RIBC1: variants seen among roughly 807,000 people sequenced by gnomAD.
RIBC1 encodes RIB43A-like with coiled-coils protein 1.
RIBC1 carries 12 observed loss-of-function variants against 33.7 expected under a neutral mutation model. The observed-to-expected ratio is 0.36, with a 90% confidence interval of 0.23 to 0.58. The LOEUF is 0.58. Ranked by LOEUF, RIBC1 falls within the 20% of genes least tolerant of loss-of-function variation. The pLI is 0.81. For synonymous variants in RIBC1, 89 were observed against 109.0 expected (o/e 0.82, Z 1.14); for missense variants, 242 against 311.6 (o/e 0.78, Z 1.68).
chrX:53,423,266 C>A lies in RIBC1; in HGVS notation c.-89-48C>A, dbSNP rs782451005. 347 of 117,890 alleles carry A rather than the reference C, an allele frequency of 2.9e-3. 3 individuals carry two copies. Among genetic ancestry groups the A allele is most frequent in the Non-Finnish European group, 2.8e-3 (162 of 56,925 alleles). The allele number at this position is 117,890 out of a possible 1,213,427, so 9.7% of individuals were successfully genotyped here. A position where few individuals can be genotyped will look rare whatever the true frequency, so the allele number is the denominator to read the frequency against. On this transcript the variant is annotated intron_variant, in intron 1 of 7. Coordinates refer to ENST00000375327, the MANE Select transcript of RIBC1 (RefSeq NM_001031745.5). ...GATACAGGCTGGGGAAGGCTACGGC[C>A]TGAGATACTACCCCTATCCCCTGCC...
chrX:53,424,188 A>C (rs2075778042), intron 2 of RIBC1, among the ~76,000 whole-genome samples: 1 of 111,566 alleles, frequency 9.0e-6, no homozygotes, highest in Non-Finnish European at 1.9e-5. Flanking sequence ...AAAGACAGCA[A>C]TCTCATGTAA....
intron 2 of RIBC1, among the ~76,000 whole-genome samples, chrX:53,424,895 T>TA (rs1216712908): frequency 2.9e-5 from 3 of 105,250 alleles, no homozygotes; most frequent in East Asian, 3.1e-4. Flanking sequence ...CCATCTATAT[T>TA]AAAAAAAATT....
rs1556894411 is a variant in RIBC1 at position 53,431,025 on chromosome X, T to C, written c.*37T>C. 1 of 1,211,283 alleles carries C rather than the reference T, an allele frequency of 8.3e-7. No individual in the cohort carries two copies. The highest frequency in any genetic ancestry group is 2.2e-5 in the Admixed American group (1 of 45,982). On this transcript the variant is annotated 3_prime_UTR_variant, in exon 8 of 8. Coordinates refer to ENST00000375327, the MANE Select transcript of RIBC1 (RefSeq NM_001031745.5). The stretch of plus-strand genomic sequence containing the variant: ...CTATCTCTCTCTCCCTTCTCCTCCA[T>C]CAAGCTCACAGGTGGTTAGGAGTCA...
In RIBC1 at chrX:53,428,390, C is replaced by G; in HGVS notation, c.307C>G (p.Gln103Glu). ...AGTCCAGGAGTTTCGGGAGCAGAAG[C>G]AGCAGCTCAAGAACGGGCGTGAATT... ...KKVQEFREQK[Q>E]QLKNGREFSL... The change falls in exon 5 of 8, where the codon CAG becomes GAG. Residue 103 changes from glutamine to glutamate, a missense_variant. Gln to Glu is a conservative substitution (Grantham distance 29, BLOSUM62 2). Coordinates refer to ENST00000375327, the MANE Select transcript of RIBC1 (RefSeq NM_001031745.5). 1 of 1,211,447 alleles carries G rather than the reference C, an allele frequency of 8.3e-7. No individual in the cohort carries two copies. Among genetic ancestry groups the G allele is most frequent in the Non-Finnish European group, 1.1e-6 (1 of 895,143 alleles).
At position 53,426,314 on chromosome X, in the gene RIBC1, C is replaced by A; in HGVS notation, c.38C>A (p.Ala13Glu). ...AAACAGTCAACAGATACCAAGGAAG[C>A]AGCAGCCATCGAGGCTAGAAGAAAT... ...NIKQSTDTKE[A>E]AAIEARRNRE... The change falls in exon 3 of 8, where the codon GCA becomes GAA. Residue 13 changes from alanine to glutamate, a missense_variant. Transcript: ENST00000375327. The A allele has an allele frequency of 8.3e-7, 1 of 1,209,062 alleles. No individual in the cohort carries two copies. Among genetic ancestry groups the A allele is most frequent in the Non-Finnish European group, 1.1e-6 (1 of 893,370 alleles).
At chrX:53,428,188 G>A in intron 4 of RIBC1, 95 bp from the exon 5 acceptor site, 1 of 1,200,319 alleles carries the variant, frequency 8.3e-7, no homozygotes, top group Admixed American at 2.2e-5. Context: ...TGGGGTGGTG[G>A]GACAAATTGG....
chrX:53,429,786 A>T lies in RIBC1; in HGVS notation c.545-68A>T. The T allele has an allele frequency of 2.6e-6, 3 of 1,152,872 alleles. No individual in the cohort carries two copies. The Admixed American group carries it at 6.9e-5, about 27-fold the overall frequency. On this transcript the variant is annotated intron_variant, in intron 5 of 7. Coordinates refer to ENST00000375327, the MANE Select transcript of RIBC1 (RefSeq NM_001031745.5). The stretch of plus-strand genomic sequence containing the variant: ...CACAAACACAAAACTTGCTGAACAA[A>T]TGGCTGGATGAGTGAAACAGGAATG...
intron 3 of RIBC1, among the ~76,000 whole-genome samples, chrX:53,427,192 G>T (rs781960056): frequency 1.8e-5 from 2 of 112,206 alleles, no homozygotes; most frequent in Non-Finnish European, 3.8e-5. Context: ...GATAGAGGGG[G>T]GATGCAGCAT....
rs1473418783 is a variant in RIBC1, at chrX:53,430,774, A to C, written c.1042A>C (p.Asn348His). Reference sequence around the variant, plus strand: ...AGGATCCTTCAACCAGCAGCTGGCTAATGAGCAAAAAGCCCAGTGAGTTCT... The same window carrying C: ...AGGATCCTTCAACCAGCAGCTGGCTCATGAGCAAAAAGCCCAGTGAGTTCT... ...GLGSFNQQLA[N>H]EQKAQQDYLN... The change falls in exon 7 of 8, where the codon AAT becomes CAT. Residue 348 changes from asparagine to histidine, a missense_variant. Transcript: ENST00000375327. The C allele has an allele frequency of 4.2e-6, 5 of 1,203,740 alleles. No homozygotes were observed. Among genetic ancestry groups the C allele is most frequent in the Non-Finnish European group, 5.6e-6 (5 of 891,695 alleles).
At chrX:53,429,796 G>A (rs2075812700) in intron 5 of RIBC1, 58 bp from the exon 6 acceptor site, 1 of 1,164,248 alleles carries the variant, frequency 8.6e-7, no homozygotes, top group East Asian at 3.0e-5. Context: ...ATGGCTGGAT[G>A]AGTGAAACAG....
chrX:53,426,031 A>T lies in RIBC1; in HGVS notation c.1-246A>T, dbSNP rs191966513. Among the ~76,000 whole-genome samples, 161 of 112,249 alleles carry T rather than the reference A, an allele frequency of 1.4e-3. 1 individual carries two copies. The highest frequency in any genetic ancestry group is 4.9e-3 in the African/African-American group (151 of 30,943). Reference sequence around the variant, plus strand: ...GCCAGTGCAGAGAAATCCAGTGCAGAGAGGGTAACGTTGGAGCAAGAGAAC... The same window carrying T: ...GCCAGTGCAGAGAAATCCAGTGCAGTGAGGGTAACGTTGGAGCAAGAGAAC... On this transcript the variant is annotated intron_variant, in intron 2 of 7. Coordinates refer to ENST00000375327, the MANE Select transcript of RIBC1 (RefSeq NM_001031745.5).
Position 53,428,294 on chromosome X carries a change from G to A in RIBC1, c.211G>A (p.Val71Met), listed in dbSNP as rs1433863390. 3.3e-6 allele frequency: 4 copies of A among 1,209,201 alleles called. No individual in the cohort carries two copies. The highest frequency in any genetic ancestry group is 3.5e-5 in the African/African-American group (2 of 57,195). ...SKEAAYGTSQ[V>M]QYDVVVQMLE... is the part of the protein sequence containing the mutation. ...CTCACCACCCCCAGGTACCAGCCAG[G>A]TGCAGTATGATGTGGTAGTCCAGAT... is the stretch of plus-strand genomic sequence containing the variant. The change falls in exon 5 of 8, where the codon GTG becomes ATG. Residue 71 changes from valine (V) to methionine (M), a missense_variant. By Grantham distance (21) the Val-to-Met change is conservative. Coordinates refer to ENST00000375327, the MANE Select transcript of RIBC1 (RefSeq NM_001031745.5).
chrX:53,427,289 C>T (rs1490142785), intron 3 of RIBC1, among the ~76,000 whole-genome samples: 1 of 112,149 alleles, frequency 8.9e-6, no homozygotes, highest in Non-Finnish European at 1.9e-5. Context: ...CCTGTCTTCT[C>T]TGAGCCCCAG....
chrX:53,425,899 G>T (rs1177248894), intron 2 of RIBC1, among the ~76,000 whole-genome samples: 1 of 112,472 alleles, frequency 8.9e-6, no homozygotes, highest in African/African-American at 3.2e-5. Flanking sequence ...TGGCAAAGGG[G>T]GTTGGGCCTT....
At chrX:53,429,761 C>T (rs1413904510) in intron 5 of RIBC1, 93 bp from the exon 6 acceptor site, 1 of 1,136,300 alleles carries the variant, frequency 8.8e-7, no homozygotes, top group Non-Finnish European at 1.2e-6. Context: ...TTCGTACACA[C>T]ACAAACACAA....
At chrX:53,428,806 G>T in intron 5 of RIBC1, 179 bp downstream of exon 5, 2 of 1,083,248 alleles carry the variant, frequency 1.8e-6, no homozygotes, top group Non-Finnish European at 2.4e-6. Context: ...GTAACTGACA[G>T]TGTAGCATTG....
intron 4 of RIBC1, 99 bp from the exon 5 acceptor site, chrX:53,428,184 G>C (rs2075802022): frequency 1.7e-6 from 2 of 1,200,756 alleles, no homozygotes; most frequent in South Asian, 1.8e-5. Context: ...GCCCTGGGGT[G>C]GTGGGACAAA....
intron 2 of RIBC1, among the ~76,000 whole-genome samples, chrX:53,425,350 G>A (rs1428254110): frequency 9.1e-6 from 1 of 110,046 alleles, no homozygotes; most frequent in East Asian, 2.8e-4. Context: ...GCTAGTGGAG[G>A]ATTTAAGCAG....
In RIBC1 at chrX:53,428,059, A is replaced by G. The variant is rs912002801; in HGVS notation, c.174A>G (p.Ala58=). 1.7e-6 allele frequency: 2 copies of G among 1,211,756 alleles called. No individual in the cohort carries two copies. The highest frequency in any genetic ancestry group is 2.2e-6 in the Non-Finnish European group (2 of 895,380). The change falls in exon 4 of 8, where the codon GCA becomes GCG. Residue 58 remains alanine (A), a synonymous_variant. Transcript: ENST00000375327. The part of the protein sequence containing the change: ...QVGDRKRREA[A]ERSKEAAYGT... The stretch of plus-strand genomic sequence containing the variant: ...GAGACCGAAAGCGTCGGGAAGCAGC[A>G]GAAAGAAGCAAGGAGGCAGCTTATG...
Sources: allele counts gnomAD v4.1 joint callset (sites outside exome capture counted in the v4.1 genomes callset), GRCh38; gene constraint gnomAD v4.1.1; transcripts MANE v1.5; gene names NCBI Gene and HGNC (gene_info 2026-07-23, HGNC 2026-07-21).